The following RELN variants were observed in gnomAD, a reference collection of about 807,000 sequenced individuals.
The protein encoded by RELN is reelin.
In RELN, 108 loss-of-function variants were observed where a neutral mutation model predicts 427.6. That is an observed-to-expected ratio of 0.25 (90% CI 0.22 to 0.30). The LOEUF (loss-of-function observed/expected upper bound fraction) is 0.30, where lower values mean the gene tolerates loss of function less well. Among genes scored for constraint, RELN ranks in the 10% least tolerant of loss-of-function variants. RELN has a pLI of 1.00. For synonymous variants in RELN, 1,524 were observed against 1,513.4 expected, an observed-to-expected ratio of 1.01 and a Z score of -0.16; for missense variants, 3,715 against 4,302.8, an observed-to-expected ratio of 0.86 and a Z score of 3.82.
intron 3 of RELN, among the ~76,000 whole-genome samples, chr7:103,806,110 T>C (rs1459453750): frequency 1.3e-5 from 2 of 152,200 alleles, no homozygotes; most frequent in African/African-American, 4.8e-5. Context: ...AAAATAGTCA[T>C]GCTTAATTTT....
chr7:103,609,598 T>C (rs951015964), intron 22 of RELN, among the ~76,000 whole-genome samples: 7 of 152,202 alleles, frequency 4.6e-5, no homozygotes, highest in African/African-American at 1.4e-4. Context: ...ATTTCAAGCA[T>C]TGTATTCCAA....
chr7:103,542,653 G>A (rs1830198377), intron 43 of RELN, 78 bp downstream of exon 43: 2 of 1,518,254 alleles, frequency 1.3e-6, no homozygotes, highest in Non-Finnish European at 1.8e-6. Flanking sequence ...AAATCGCTCT[G>A]CTTCCTTCTG....
At chr7:103,841,454 A>T (rs1793550166) in intron 2 of RELN, among the ~76,000 whole-genome samples, 1 of 152,168 alleles carries the variant, frequency 6.6e-6, no homozygotes, top group African/African-American at 2.4e-5. Flanking sequence ...TATCCACATT[A>T]TACTTCAGCA....
chr7:103,753,114 A>G (rs377559468), intron 5 of RELN, 68 bp downstream of exon 5: 1 of 1,496,446 alleles, frequency 6.7e-7, no homozygotes, highest in Non-Finnish European at 9.3e-7. Flanking sequence ...ATCTGCTCGT[A>G]TAGCCAGAAA....
At chr7:103,902,185 T>A (rs1183351028) in intron 2 of RELN, among the ~76,000 whole-genome samples, 2 of 152,120 alleles carry the variant, frequency 1.3e-5, no homozygotes, top group South Asian at 4.1e-4. Context: ...CTAGAGCTGG[T>A]CGTTTGTCCC....
At chr7:103,791,643 T>A (rs142054133) in intron 3 of RELN, among the ~76,000 whole-genome samples, 1 of 151,984 alleles carries the variant, frequency 6.6e-6, no homozygotes, top group Non-Finnish European at 1.5e-5. Context: ...AAGGAAAACA[T>A]AGGGATAAAT....
At chr7:103,629,203 T>G (rs1202407103) in intron 20 of RELN, among the ~76,000 whole-genome samples, 1 of 152,192 alleles carries the variant, frequency 6.6e-6, no homozygotes, top group African/African-American at 2.4e-5. Flanking sequence ...CTATGTAAAG[T>G]AGCCAGCTCC....
chr7:103,961,235 T>C (rs1227509069), intron 1 of RELN, among the ~76,000 whole-genome samples: 1 of 152,192 alleles, frequency 6.6e-6, no homozygotes, highest in Non-Finnish European at 1.5e-5. Flanking sequence ...AACCCATCTT[T>C]TTTTCCCCCA....
At position 103,809,381 on chromosome 7, in the gene RELN, G is replaced by A. The variant is rs12669386; in HGVS notation, c.473+24156C>T. On this transcript the variant is annotated intron_variant, in intron 3 of 64. Coordinates refer to ENST00000428762, the MANE Select transcript of RELN (RefSeq NM_005045.4). ...AGAAAGATGTAAAACAAAGGAAACT[G>A]GAGGTCCAAAGCAGCGGGAGAGAGA... Among the ~76,000 whole-genome samples, 141 of 152,234 alleles carry A rather than the reference G, an allele frequency of 9.3e-4. No individual in the cohort carries two copies. The East Asian group carries it at 0.024, about 26-fold the overall frequency.
intron 27 of RELN, 87 bp downstream of exon 27, chr7:103,593,595 A>ATTTGTGTTC (rs1831470322): frequency 1.7e-6 from 2 of 1,175,000 alleles, no homozygotes; most frequent in South Asian, 2.5e-5. Context: ...AATATGAAAA[A>ATTTGTGTTC]TTTGTGTTCT....
At chr7:103,601,087 T>C (rs376598876) in intron 24 of RELN, among the ~76,000 whole-genome samples, 1 of 151,740 alleles carries the variant, frequency 6.6e-6, no homozygotes, top group African/African-American at 2.4e-5. Flanking sequence ...GGAAGAAATA[T>C]TGATATGTAA....
intron 3 of RELN, among the ~76,000 whole-genome samples, chr7:103,786,780 T>C (rs192880594): frequency 1.4e-4 from 22 of 152,168 alleles, no homozygotes; most frequent in Admixed American, 2.6e-4. Flanking sequence ...ACTGTCGATA[T>C]TAGACAGATC....
intron 2 of RELN, among the ~76,000 whole-genome samples, chr7:103,871,506 G>C (rs2116526766): frequency 6.6e-6 from 1 of 152,114 alleles, no homozygotes. Context: ...GTATTAATAG[G>C]ACAGTCATGG....
intron 42 of RELN, 55 bp from the exon 43 acceptor site, chr7:103,542,933 T>C: frequency 6.4e-7 from 1 of 1,561,966 alleles, no homozygotes; most frequent in Non-Finnish European, 8.8e-7. Context: ...GTGAGTTGTA[T>C]TATATTTTTA....
chr7:103,703,117 G>A (rs1834127549), intron 8 of RELN, among the ~76,000 whole-genome samples: 1 of 152,120 alleles, frequency 6.6e-6, no homozygotes, highest in Admixed American at 6.6e-5. Flanking sequence ...TCAGTGGAGA[G>A]GCACTGCCCA....
chr7:103,492,105 AT>A, intron 57 of RELN, 79 bp from the exon 58 acceptor site: 1 of 1,112,050 alleles, frequency 9.0e-7, no homozygotes, highest in Non-Finnish European at 1.3e-6. Context: ...CCATCCGTCC[AT>A]TTATTACTCT....
intron 2 of RELN, among the ~76,000 whole-genome samples, chr7:103,866,853 T>C (rs746284341): frequency 3.7e-4 from 56 of 152,088 alleles, no homozygotes; most frequent in Non-Finnish European, 6.0e-4. Context: ...CTATCACAGC[T>C]ACACAGTCTG....
At chr7:103,985,139 T>C (rs938268108) in intron 1 of RELN, among the ~76,000 whole-genome samples, 5 of 152,110 alleles carry the variant, frequency 3.3e-5, no homozygotes, top group Non-Finnish European at 5.9e-5. Flanking sequence ...TTCCTGTCTG[T>C]CTCACAGTAT....
chr7:103,790,041 G>C (rs1792120521), intron 3 of RELN, among the ~76,000 whole-genome samples: 1 of 152,168 alleles, frequency 6.6e-6, no homozygotes, highest in Non-Finnish European at 1.5e-5. Flanking sequence ...GCAGGGACAT[G>C]GATGAAGCTG....
Sources: allele counts gnomAD v4.1 joint callset (sites outside exome capture counted in the v4.1 genomes callset), GRCh38; gene constraint gnomAD v4.1.1; transcripts MANE v1.5; gene names NCBI Gene and HGNC (gene_info 2026-07-23, HGNC 2026-07-21).